PRRC2B: variants seen among roughly 807,000 people sequenced by gnomAD.
PRRC2B encodes the protein protein PRRC2B.
A neutral mutation model predicts 242.3 loss-of-function variants in PRRC2B; 68 were observed. The observed-to-expected ratio is 0.28, with a 90% CI of 0.23 to 0.34. The LOEUF (loss-of-function observed/expected upper bound fraction) is 0.34, where lower values mean the gene tolerates loss of function less well. PRRC2B is among the 10% of genes least tolerant of loss of function. The probability of loss-of-function intolerance (pLI) is 1.00; values close to 1 mark genes in which losing one functional copy is unlikely to be tolerated. For synonymous variants in PRRC2B, 1,228 were observed against 1,173.6 expected (o/e 1.05, Z -0.95); for missense variants, 2,835 against 2,954.8 (o/e 0.96, Z 0.94).
At chr9:131,445,866 T>C (rs1186246403) in intron 6 of PRRC2B, among the ~76,000 whole-genome samples, 2 of 152,178 alleles carry the variant, frequency 1.3e-5, no homozygotes, top group African/African-American at 4.8e-5. Flanking sequence ...CAGGTTTCCG[T>C]CTGTGAGCTA....
At chr9:131,444,145 C>G (rs1411080621) in intron 5 of PRRC2B, 40 bp from the exon 6 acceptor site, 3 of 1,611,168 alleles carry the variant, frequency 1.9e-6, no homozygotes, top group Non-Finnish European at 2.5e-6. Context: ...ACTGTTGACT[C>G]CATCTCACTT....
At chr9:131,383,868 G>A (rs1033862538) in intron 1 of PRRC2B, among the ~76,000 whole-genome samples, 28 of 151,684 alleles carry the variant, frequency 1.8e-4, no homozygotes, top group African/African-American at 6.5e-4. Context: ...TAATCCACCC[G>A]CCTCGGCCTC....
At chr9:131,473,818 C>T in intron 15 of PRRC2B, 94 bp downstream of exon 15, 2 of 933,196 alleles carry the variant, frequency 2.1e-6, no homozygotes. Context: ...TCCTAGGAGA[C>T]ACTGCCCACG....
Position 131,482,293 on chromosome 9 carries a change from C to G in PRRC2B, c.4984-78C>G. 6.9e-7 allele frequency: 1 copy of G among 1,451,872 alleles called. No individual in the cohort carries two copies. Among genetic ancestry groups the G allele is most frequent in the Non-Finnish European group, 9.3e-7 (1 of 1,075,558 alleles). The allele number at this position is 1,451,872 out of a possible 1,614,324, so 89.9% of individuals were successfully genotyped here. The stretch of plus-strand genomic sequence containing the variant: ...ACAGGCAGCTGGGGTAGAAAAGTCT[C>G]TGTGCCACATGCAGTTTTACTCTCT... On this transcript the variant is annotated intron_variant, in intron 20 of 31. Transcript: ENST00000683519. This position sits in a 1 kb window ranked among gnomAD's most constrained non-coding sequence, Gnocchi z 5.2.
chr9:131,478,391 G>A, intron 17 of PRRC2B, 83 bp from the exon 18 acceptor site: 1 of 1,337,496 alleles, frequency 7.5e-7, no homozygotes, highest in Non-Finnish European at 1.1e-6. Context: ...CCTGATGCTA[G>A]ATCTCAGGCG....
intron 1 of PRRC2B, among the ~76,000 whole-genome samples, chr9:131,420,565 C>T (rs1253877144): frequency 1.4e-5 from 2 of 139,518 alleles, no homozygotes; most frequent in African/African-American, 5.3e-5. Context: ...GATCTCGGCT[C>T]ACTGCAACCT....
chr9:131,453,720 A>G (rs1252160456), intron 9 of PRRC2B, among the ~76,000 whole-genome samples: 1 of 152,076 alleles, frequency 6.6e-6, no homozygotes, highest in African/African-American at 2.4e-5. Flanking sequence ...TTTAGTAGAG[A>G]TATGGTTTCG....
rs1943749257 is a variant in PRRC2B at position 131,477,871 on chromosome 9, GAGA to G, written c.4537_4539del (p.Lys1513del). ...TCCCGAAGCCTCCAGTAAAAAGGCA[GAGA>G]AGGAGGCCAAGTTGGCTGCTCCGAG... On this transcript the variant is annotated inframe_deletion, in exon 17 of 32. Transcript: ENST00000683519. 1 of 1,614,042 alleles carries G rather than the reference GAGA, an allele frequency of 6.2e-7. No individual in the cohort carries two copies. The highest frequency in any genetic ancestry group is 8.5e-7 in the Non-Finnish European group (1 of 1,179,900).
At chr9:131,465,400 C>T (rs561256328) in intron 12 of PRRC2B, among the ~76,000 whole-genome samples, 3 of 152,284 alleles carry the variant, frequency 2.0e-5, no homozygotes, top group African/African-American at 7.2e-5. Context: ...CTTTTTCCTT[C>T]TCCCATCTGA....
chr9:131,421,172 C>T (rs1413864288), intron 1 of PRRC2B, among the ~76,000 whole-genome samples: 5 of 152,216 alleles, frequency 3.3e-5, no homozygotes, highest in African/African-American at 1.2e-4. Context: ...TACAGACAAA[C>T]TTTGCAGATC....
intron 12 of PRRC2B, among the ~76,000 whole-genome samples, chr9:131,467,080 T>C (rs544211263): frequency 1.2e-3 from 186 of 150,914 alleles, no homozygotes; most frequent in African/African-American, 4.4e-3. Flanking sequence ...GGATTACAGG[T>C]GTGAGCCACC....
At position 131,455,510 on chromosome 9, in the gene PRRC2B, C is replaced by CT. The variant is rs148974781; in HGVS notation, c.1211+368dup. 3.7e-3 allele frequency among the ~76,000 whole-genome samples: 324 copies of CT among 86,974 alleles called. 4 individuals are homozygous for CT. The highest frequency in any genetic ancestry group is 0.014 in the African/African-American group (305 of 22,390). 57.1% of individuals were successfully genotyped at this position (86,974 alleles called of 152,430 possible). A position where few individuals can be genotyped will look rare whatever the true frequency, so the allele number is the denominator to read the frequency against. Reference sequence around the variant, plus strand: ...TGGGAAACCTCCCTGGGTTCAACTTCTTTTTTTTTTTTTTTTTTTTTTTTG... The same window carrying CT: ...TGGGAAACCTCCCTGGGTTCAACTTCTTTTTTTTTTTTTTTTTTTTTTTTTG... On this transcript the variant is annotated intron_variant, in intron 10 of 31. Coordinates refer to ENST00000683519, the MANE Select transcript of PRRC2B (RefSeq NM_013318.4).
intron 5 of PRRC2B, among the ~76,000 whole-genome samples, chr9:131,441,580 A>G (rs571841196): frequency 1.3e-5 from 2 of 152,314 alleles, no homozygotes; most frequent in South Asian, 4.1e-4. Flanking sequence ...CTGCCAGCCC[A>G]CAGAATCGAC....
intron 1 of PRRC2B, among the ~76,000 whole-genome samples, chr9:131,423,723 G>T (rs917717408): frequency 2.6e-5 from 4 of 152,188 alleles, no homozygotes; most frequent in African/African-American, 9.6e-5. Flanking sequence ...CAGGCTGCCG[G>T]CCCCTGCTCT....
intron 11 of PRRC2B, among the ~76,000 whole-genome samples, chr9:131,464,004 C>T (rs977913774): frequency 1.4e-4 from 21 of 151,440 alleles, no homozygotes; most frequent in African/African-American, 3.9e-4. Flanking sequence ...TGCAGTGGCG[C>T]GATCTCGGCT....
chr9:131,391,661 G>A (rs1564271543), upstream of PRRC2B, among the ~76,000 whole-genome samples: 1 of 152,192 alleles, frequency 6.6e-6, no homozygotes, highest in Admixed American at 6.5e-5. Context: ...GATTACCTGA[G>A]TGACTCTATA....
chr9:131,431,299 T>G (rs1838161663), intron 2 of PRRC2B, among the ~76,000 whole-genome samples: 1 of 151,722 alleles, frequency 6.6e-6, no homozygotes, highest in Middle Eastern at 3.2e-3. Flanking sequence ...CCTGGCTAAT[T>G]TTTTGTATTT....
At chr9:131,453,110 A>G (rs1942972014) in intron 9 of PRRC2B, among the ~76,000 whole-genome samples, 1 of 152,224 alleles carries the variant, frequency 6.6e-6, no homozygotes, top group South Asian at 2.1e-4. Flanking sequence ...GCTATTAGGC[A>G]TACACACATT....
chr9:131,453,436 C>T (rs1007806377), intron 9 of PRRC2B, among the ~76,000 whole-genome samples: 3 of 152,046 alleles, frequency 2.0e-5, no homozygotes, highest in Non-Finnish European at 4.4e-5. Flanking sequence ...TGGGATCTTG[C>T]TCTGTTGCCC....
Sources: allele counts gnomAD v4.1 joint callset (sites outside exome capture counted in the v4.1 genomes callset), GRCh38; gene constraint gnomAD v4.1.1; non-coding constraint Gnocchi (gnomAD v3.1); transcripts MANE v1.5; gene names NCBI Gene and HGNC (gene_info 2026-07-23, HGNC 2026-07-21).